Variants in DGKI observed in about 807,000 individuals in gnomAD.
The protein encoded by DGKI is DAG kinase iota.
DGKI carries 55 observed loss-of-function variants against 147.5 expected under a neutral mutation model. That is an observed-to-expected ratio of 0.37 (90% CI 0.30 to 0.47). DGKI has a LOEUF of 0.47. Among genes scored for constraint, DGKI ranks in the 20% least tolerant of loss-of-function variants. The pLI, the probability that DGKI is intolerant of heterozygous loss-of-function variation, is 1.00. For missense variants in DGKI, 1,007 were observed against 1,323.8 expected (o/e 0.76, Z 3.71); for synonymous variants, 469 against 477.1 (o/e 0.98, Z 0.22).
At chr7:137,636,431 G>A (rs1007137502) in intron 6 of DGKI, among the ~76,000 whole-genome samples, 1 of 152,256 alleles carries the variant, frequency 6.6e-6, no homozygotes, top group South Asian at 2.1e-4. Flanking sequence ...TGAAAGAGCT[G>A]CTCTAAAAAT....
At chr7:137,603,528 C>T (rs1466613837) in intron 10 of DGKI, among the ~76,000 whole-genome samples, 1 of 152,124 alleles carries the variant, frequency 6.6e-6, no homozygotes, top group African/African-American at 2.4e-5. Flanking sequence ...CTACTCTGTC[C>T]ATGTGTACCG....
intron 12 of DGKI, 102 bp downstream of exon 12, chr7:137,597,745 A>G (rs1479698872): frequency 1.9e-6 from 2 of 1,046,798 alleles, no homozygotes; most frequent in Non-Finnish European, 2.9e-6. Flanking sequence ...TACATGTGTT[A>G]GGGGATTAGA....
chr7:137,654,854 A>T (rs1020932391), intron 4 of DGKI, 66 bp from the exon 5 acceptor site: 48 of 867,280 alleles, frequency 5.5e-5, no homozygotes, highest in Non-Finnish European at 8.0e-5. Context: ...AATTACCTGA[A>T]AAAAAAAAAA....
chr7:137,532,759 C>T (rs138318220), intron 20 of DGKI, among the ~76,000 whole-genome samples: 2 of 152,274 alleles, frequency 1.3e-5, no homozygotes, highest in Admixed American at 1.3e-4. Context: ...GGGAGGAAAC[C>T]TTTCATTTCC....
At chr7:137,410,321 C>T (rs1390039434) in intron 29 of DGKI, among the ~76,000 whole-genome samples, 3 of 152,138 alleles carry the variant, frequency 2.0e-5, no homozygotes, top group African/African-American at 2.4e-5. Flanking sequence ...AGGAGAATGG[C>T]GTGAACCCGG....
intron 28 of DGKI, among the ~76,000 whole-genome samples, chr7:137,437,574 T>C (rs557433921): frequency 1.2e-4 from 19 of 152,296 alleles, no homozygotes; most frequent in African/African-American, 4.1e-4. Flanking sequence ...ATTTTCTTTA[T>C]ACAAATTTAT....
intron 1 of DGKI, among the ~76,000 whole-genome samples, chr7:137,810,960 T>C (rs1408907036): frequency 6.6e-6 from 1 of 152,204 alleles, no homozygotes; most frequent in East Asian, 1.9e-4. Context: ...TCTTATGTAG[T>C]ACATTCTACG....
intron 20 of DGKI, chr7:137,545,870 A>G: frequency 1.4e-6 from 1 of 697,240 alleles, no homozygotes; most frequent in Non-Finnish European, 2.6e-6. Flanking sequence ...CTGGGGAGAA[A>G]ATGTAGAAAC....
intron 18 of DGKI, 138 bp from the exon 19 acceptor site, chr7:137,571,424 G>A: frequency 1.6e-6 from 1 of 632,214 alleles, no homozygotes; most frequent in Non-Finnish European, 2.7e-6. Context: ...CCTTCCATTA[G>A]AAAAGGAAAT....
chr7:137,586,598 T>A (rs1389516066), intron 13 of DGKI, among the ~76,000 whole-genome samples: 1 of 152,090 alleles, frequency 6.6e-6, no homozygotes, highest in Non-Finnish European at 1.5e-5. Context: ...TTGCCTGAAG[T>A]TGGCTTCATT....
At chr7:137,630,420 C>A (rs548480567) in intron 6 of DGKI, among the ~76,000 whole-genome samples, 1 of 152,280 alleles carries the variant, frequency 6.6e-6, no homozygotes, top group East Asian at 1.9e-4. Context: ...AAGGCTCCTG[C>A]TGCAAGCTAT....
chr7:137,559,209 C>T (rs1363242094), intron 19 of DGKI, among the ~76,000 whole-genome samples: 72 of 147,760 alleles, frequency 4.9e-4, no homozygotes, highest in African/African-American at 1.7e-3. Flanking sequence ...GTAGCTGGGA[C>T]TACAGGCGCC....
At chr7:137,551,835 T>C (rs1004593917) in intron 20 of DGKI, among the ~76,000 whole-genome samples, 1 of 152,002 alleles carries the variant, frequency 6.6e-6, no homozygotes, top group African/African-American at 2.4e-5. Context: ...CAACACTGAG[T>C]TGAAGCCCCA....
At chr7:137,843,479 A>C (rs907302055) in intron 1 of DGKI, 2 of 971,520 alleles carry the variant, frequency 2.1e-6, no homozygotes, top group Admixed American at 1.2e-4. Context: ...TAAAGGAAAA[A>C]ATTCTCATGG....
At chr7:137,416,495 T>C (rs1046602034) in intron 28 of DGKI, among the ~76,000 whole-genome samples, 2 of 151,984 alleles carry the variant, frequency 1.3e-5, no homozygotes, top group African/African-American at 4.8e-5. Flanking sequence ...AGGTGGAGAG[T>C]AGTCTCAGGT....
At chr7:137,647,951 G>A (rs1052901958) in intron 5 of DGKI, among the ~76,000 whole-genome samples, 2 of 152,134 alleles carry the variant, frequency 1.3e-5, no homozygotes, top group African/African-American at 4.8e-5. Context: ...AAAATGTAAA[G>A]GTCAAAGTGA....
At chr7:137,545,246 G>T (rs1383703598) in intron 20 of DGKI, among the ~76,000 whole-genome samples, 1 of 152,146 alleles carries the variant, frequency 6.6e-6, no homozygotes, top group Non-Finnish European at 1.5e-5. Context: ...CATAATAAAT[G>T]CTAGGTAAGC....
intron 19 of DGKI, among the ~76,000 whole-genome samples, chr7:137,564,867 T>A (rs1818530373): frequency 6.6e-6 from 1 of 152,238 alleles, no homozygotes; most frequent in Non-Finnish European, 1.5e-5. Flanking sequence ...TGGCTGGCCT[T>A]CAGCGACCCC....
At chr7:137,490,431 T>C (rs1815722063) in intron 21 of DGKI, among the ~76,000 whole-genome samples, 1 of 152,206 alleles carries the variant, frequency 6.6e-6, no homozygotes, top group Non-Finnish European at 1.5e-5. Flanking sequence ...CACTATCTTT[T>C]GAGCATCTTT....
Sources: gnomAD v4.1 joint callset for allele counts (sites outside exome capture counted in the v4.1 genomes callset) on GRCh38, gnomAD v4.1.1 for gene constraint, MANE v1.5 for transcripts, NCBI Gene and HGNC (gene_info 2026-07-23, HGNC 2026-07-21) for gene names.